Variants in STRBP observed in about 807,000 individuals in gnomAD.
STRBP encodes the protein spermatid perinuclear RNA binding protein, also known as spermatid perinuclear RNA-binding protein.
A neutral mutation model predicts 80.1 loss-of-function variants in STRBP; 13 were observed. That is an observed-to-expected ratio of 0.16 (90% CI 0.11 to 0.26). STRBP has a LOEUF of 0.26. Among genes scored for constraint, STRBP ranks in the 10% least tolerant of loss-of-function variants. The pLI, the probability that STRBP is intolerant of heterozygous loss-of-function variation, is 1.00. For synonymous variants in STRBP, 284 were observed against 291.2 expected, an observed-to-expected ratio of 0.98 and a Z score of 0.25; for missense variants, 485 against 815.2, an observed-to-expected ratio of 0.59 and a Z score of 4.93.
intron 3 of STRBP, among the ~76,000 whole-genome samples, chr9:123,179,870 G>A (rs909066870): frequency 2.0e-5 from 3 of 152,204 alleles, no homozygotes; most frequent in Admixed American, 6.5e-5. Flanking sequence ...CTTCAAGAGA[G>A]TCGCAGAAAT....
intron 11 of STRBP, among the ~76,000 whole-genome samples, chr9:123,154,546 G>A (rs1192544702): frequency 6.8e-6 from 1 of 147,216 alleles, no homozygotes; most frequent in Non-Finnish European, 1.5e-5. Flanking sequence ...CCATGGCACT[G>A]GTTTTATGGG....
intron 3 of STRBP, among the ~76,000 whole-genome samples, chr9:123,180,664 G>T: frequency 6.6e-6 from 1 of 152,102 alleles, no homozygotes; most frequent in East Asian, 1.9e-4. Context: ...CCCAGAAAAT[G>T]AATGAATTTC....
In STRBP at chr9:123,133,545, G is replaced by GTT. The variant is rs80271954; in HGVS notation, c.1774-579_1774-578dup. Among the ~76,000 whole-genome samples, 38 of 146,710 alleles carry GTT rather than the reference G, an allele frequency of 2.6e-4. 1 individual carries two copies. Among genetic ancestry groups the GTT allele is most frequent in the South Asian group, 1.7e-3 (8 of 4,632 alleles). On this transcript the variant is annotated intron_variant, in intron 16 of 18. Coordinates refer to ENST00000348403, the MANE Select transcript of STRBP (RefSeq NM_018387.5). ...ATCCACTACTAATTATCTTTTTTTG[G>GTT]TTTTTTTTTTTGAGACGGAGTCTCG...
Position 123,146,903 on chromosome 9 carries a change from T to C in STRBP, c.1290A>G (p.Glu430=). Residue 430 remains glutamate, a synonymous_variant, in exon 13 of 19, where the codon GAA becomes GAG. Coordinates refer to ENST00000348403, the MANE Select transcript of STRBP (RefSeq NM_018387.5). ...CTGTTTTCTTGGATGGTCCTGAGGC[T>C]TCATATGTTGTGCCATCCACATCTA... ...MSVDVDGTTY[E]ASGPSKKTAK... The C allele has an allele frequency of 6.2e-7, 1 of 1,614,098 alleles. No homozygotes were observed. Among genetic ancestry groups the C allele is most frequent in the South Asian group, 1.1e-5 (1 of 91,078 alleles).
chr9:123,111,278 G>C, intron 3 of STRBP: 1 of 205,506 alleles, frequency 4.9e-6, no homozygotes, highest in Non-Finnish European at 1.1e-5. Flanking sequence ...AAAGGGTGGA[G>C]AGCACGAGAT....
intron 1 of STRBP, among the ~76,000 whole-genome samples, chr9:123,254,318 G>A (rs1034668262): frequency 1.3e-5 from 2 of 151,928 alleles, no homozygotes; most frequent in Non-Finnish European, 2.9e-5. Context: ...AAACTTAGCC[G>A]GGCGTGGTGG....
intron 17 of STRBP, among the ~76,000 whole-genome samples, chr9:123,131,283 T>C (rs1251412034): frequency 6.6e-6 from 1 of 152,302 alleles, no homozygotes; most frequent in Middle Eastern, 3.4e-3. Flanking sequence ...TAAGAACCCA[T>C]CAAGACTTAA....
At chr9:123,127,857 G>A (rs913456516) in intron 18 of STRBP, among the ~76,000 whole-genome samples, 9 of 152,226 alleles carry the variant, frequency 5.9e-5, no homozygotes, top group African/African-American at 1.9e-4. Flanking sequence ...AAACTTAAGT[G>A]TGGCTTTAAA....
At chr9:123,113,767 T>C in intron 3 of STRBP, 1 of 167,228 alleles carries the variant, frequency 6.0e-6, no homozygotes. Flanking sequence ...GTTGGTGAAA[T>C]ACAGCCAAGT....
At chr9:123,147,638 A>C in intron 12 of STRBP, 140 bp downstream of exon 12, 1 of 646,714 alleles carries the variant, frequency 1.5e-6, no homozygotes, top group Non-Finnish European at 2.5e-6. Flanking sequence ...AGATCGCGCC[A>C]CTGCACTCCA....
chr9:123,188,451 C>T (rs914973415), intron 2 of STRBP, among the ~76,000 whole-genome samples: 9 of 152,226 alleles, frequency 5.9e-5, no homozygotes, highest in South Asian at 4.2e-4. Context: ...ACCATCCTGG[C>T]TAACACGGTG....
chr9:123,147,975 A>C (rs574659801), intron 11 of STRBP, 105 bp from the exon 12 acceptor site: 2 of 984,010 alleles, frequency 2.0e-6, no homozygotes, highest in East Asian at 5.4e-5. Flanking sequence ...GAATCACACC[A>C]AGGACCATAC....
chr9:123,169,351 A>G (rs1193184626), intron 6 of STRBP, among the ~76,000 whole-genome samples: 1 of 151,848 alleles, frequency 6.6e-6, no homozygotes, highest in Non-Finnish European at 1.5e-5. Context: ...TTGTATTTTC[A>G]GTAGAGACGG....
In STRBP at chr9:123,123,991, A is replaced by G; in HGVS notation, c.*1606T>C. 1.0e-6 allele frequency: 1 copy of G among 985,442 alleles called. No homozygotes were observed. Among genetic ancestry groups the G allele is most frequent in the Non-Finnish European group, 1.2e-6 (1 of 829,934 alleles). The allele number at this position is 985,442 out of a possible 1,614,324, so 61.0% of individuals were successfully genotyped here. On this transcript the variant is annotated 3_prime_UTR_variant, in exon 19 of 19. Coordinates refer to ENST00000348403, the MANE Select transcript of STRBP (RefSeq NM_018387.5). Reference sequence around the variant, plus strand: ...TTCCAGCAAGTGATGAGGTTTTATTAAAGTATCACCCACCACTAATAAAGA... The same window carrying G: ...TTCCAGCAAGTGATGAGGTTTTATTGAAGTATCACCCACCACTAATAAAGA...
intron 13 of STRBP, among the ~76,000 whole-genome samples, chr9:123,141,735 T>A (rs986674338): frequency 5.3e-5 from 8 of 152,226 alleles, no homozygotes; most frequent in African/African-American, 1.9e-4. Context: ...AGCAACATAT[T>A]TCAATACATT....
Position 123,110,742 on chromosome 9 carries a change from G to A in STRBP, c.*85-989C>T, listed in dbSNP as rs200005005. 2.1e-4 allele frequency: 35 copies of A among 169,116 alleles called. 1 individual carries two copies. Among genetic ancestry groups the A allele is most frequent in the Middle Eastern group, 1.0e-3 (2 of 1,944 alleles). The allele number at this position is 169,116 out of a possible 1,614,324, so 10.5% of individuals were successfully genotyped here. A position where few individuals can be genotyped will look rare whatever the true frequency, so the allele number is the denominator to read the frequency against. On this transcript the variant is annotated intron_variant and NMD_transcript_variant, in intron 3 of 3. Coordinates refer to the STRBP transcript ENST00000471564. This position sits in a 1 kb window ranked among gnomAD's most constrained non-coding sequence, Gnocchi z 4.1. Reference sequence around the variant, plus strand: ...TTGGTTCCTGGGAGATGGAGAGAGCGAGGCCCTCTGGTCGGAGGCCTACAA... The same window carrying A: ...TTGGTTCCTGGGAGATGGAGAGAGCAAGGCCCTCTGGTCGGAGGCCTACAA...
At chr9:123,161,220 T>TA (rs1463685175) in intron 6 of STRBP, 152 bp from the exon 7 acceptor site, 4 of 591,254 alleles carry the variant, frequency 6.8e-6, no homozygotes, top group East Asian at 3.1e-5. Context: ...TGTTGCTTTT[T>TA]AAAAAAATTA....
chr9:123,132,285 CTG>C, intron 17 of STRBP, among the ~76,000 whole-genome samples: 1 of 152,070 alleles, frequency 6.6e-6, no homozygotes, highest in East Asian at 1.9e-4. Context: ...TGATGAAACA[CTG>C]TGAAGATTAA....
chr9:123,187,068 T>C (rs1455622877), intron 2 of STRBP, among the ~76,000 whole-genome samples: 1 of 152,112 alleles, frequency 6.6e-6, no homozygotes, highest in Non-Finnish European at 1.5e-5. Flanking sequence ...ACTTTTCATA[T>C]ATTAACTCAA....
Sources: allele counts gnomAD v4.1 joint callset (sites outside exome capture counted in the v4.1 genomes callset), GRCh38; gene constraint gnomAD v4.1.1; non-coding constraint Gnocchi (gnomAD v3.1); transcripts MANE v1.5; gene names NCBI Gene and HGNC (gene_info 2026-07-23, HGNC 2026-07-21).